PIK3C2G: variants seen among roughly 807,000 people sequenced by gnomAD.
PIK3C2G encodes phosphatidylinositol-4-phosphate 3-kinase catalytic subunit type 2 gamma, also known as phosphatidylinositol 3-kinase C2 domain-containing subunit gamma.
In PIK3C2G, 168 loss-of-function variants were observed where a neutral mutation model predicts 181.1. That is an observed-to-expected ratio of 0.93 (90% CI 0.82 to 1.05). The LOEUF is 1.05. Among genes scored for constraint, PIK3C2G ranks in the 50% least tolerant of loss-of-function variants. The pLI is 0.00. For synonymous variants in PIK3C2G, 573 were observed against 592.2 expected, an observed-to-expected ratio of 0.97 and a Z score of 0.47; for missense variants, 1,869 against 1,732.8, an observed-to-expected ratio of 1.08 and a Z score of -1.40.
At chr12:18,688,860 G>A in the PIK3C2G span, among the ~76,000 whole-genome samples, 2 of 151,994 alleles carry the variant, frequency 1.3e-5, no homozygotes, top group Non-Finnish European at 1.5e-5. Context: ...GAAGATATAA[G>A]CCTAAAAACG....
At chr12:18,363,019 T>C (rs934481287) in intron 12 of PIK3C2G, 133 bp downstream of exon 12, 9 of 622,974 alleles carry the variant, frequency 1.4e-5, no homozygotes, top group Non-Finnish European at 2.1e-5. Flanking sequence ...GTATGATAAG[T>C]ACACTAGGGC....
chr12:18,723,548 A>T, the PIK3C2G span: 3 of 1,604,710 alleles, frequency 1.9e-6, no homozygotes, highest in Non-Finnish European at 2.6e-6. Flanking sequence ...TTGTCCTACT[A>T]AAAAAATGAC....
chr12:18,661,804 A>C, the PIK3C2G span, among the ~76,000 whole-genome samples: 1 of 152,128 alleles, frequency 6.6e-6, no homozygotes, highest in Non-Finnish European at 1.5e-5. Context: ...ACCCAAAGGA[A>C]TATAAATTGT....
chr12:18,596,215 A>G (rs1365733401), intron 30 of PIK3C2G, among the ~76,000 whole-genome samples: 3 of 152,066 alleles, frequency 2.0e-5, no homozygotes, highest in Non-Finnish European at 4.4e-5. Flanking sequence ...AAATCGTGCT[A>G]TTCCTCCCAA....
At chr12:18,433,287 G>T (rs1197752252) in intron 18 of PIK3C2G, among the ~76,000 whole-genome samples, 1 of 152,054 alleles carries the variant, frequency 6.6e-6, no homozygotes, top group East Asian at 1.9e-4. Flanking sequence ...GGCCGAGGAG[G>T]GTAGGTCATG....
chr12:18,693,796 G>A, the PIK3C2G span: 204,295 of 1,503,290 alleles, frequency 0.14, 15,198 homozygotes, highest in Middle Eastern at 0.19. Flanking sequence ...TGGATCCAGC[G>A]CTTATCAGAC....
chr12:18,490,690 G>T (rs1366690734), intron 19 of PIK3C2G, among the ~76,000 whole-genome samples: 2 of 152,130 alleles, frequency 1.3e-5, no homozygotes, highest in Admixed American at 1.3e-4. Context: ...TTCCATCCAT[G>T]TTGTTGCAAA....
At chr12:18,262,130 G>C (rs1331288302) in intron 1 of PIK3C2G, among the ~76,000 whole-genome samples, 1 of 152,042 alleles carries the variant, frequency 6.6e-6, no homozygotes, top group Admixed American at 6.6e-5. Flanking sequence ...TCCTCCCTCT[G>C]TGCTGCGGTC....
chr12:18,562,811 TCC>T lies in PIK3C2G; in HGVS notation c.3700_3701del (p.Pro1234SerfsTer10). On this transcript the variant is annotated frameshift_variant, in exon 27 of 33. Transcript: ENST00000538779. LOFTEE classifies it high-confidence loss of function. ...SPAKSTSQTF[P>X]QESCLLSTTR... ...CTGCCAAATCTACTTCACAGACTTT[TCC>T]TCAGGAATCCTGTTTGCTGAGTACA... The T allele has an allele frequency of 6.2e-7, 1 of 1,607,676 alleles. No homozygotes were observed. The highest frequency in any genetic ancestry group is 1.7e-5 in the Admixed American group (1 of 59,246).
chr12:18,257,234 C>A (rs542628570), upstream of PIK3C2G, among the ~76,000 whole-genome samples: 1 of 152,194 alleles, frequency 6.6e-6, no homozygotes, highest in South Asian at 2.1e-4. Context: ...AGTTGAAACT[C>A]TATTGTGGAA....
chr12:18,370,441 T>C (rs749810973), intron 12 of PIK3C2G, among the ~76,000 whole-genome samples: 1 of 152,184 alleles, frequency 6.6e-6, no homozygotes, highest in African/African-American at 2.4e-5. Flanking sequence ...GTATATGTGT[T>C]ACATTTCAGT....
At chr12:18,471,741 T>G (rs1938482856) in intron 18 of PIK3C2G, among the ~76,000 whole-genome samples, 1 of 152,186 alleles carries the variant, frequency 6.6e-6, no homozygotes, top group Non-Finnish European at 1.5e-5. Context: ...TATTATTTGA[T>G]CCTTATAATG....
chr12:18,512,635 T>C (rs1287769380), intron 24 of PIK3C2G, among the ~76,000 whole-genome samples: 1 of 151,972 alleles, frequency 6.6e-6, no homozygotes, highest in Non-Finnish European at 1.5e-5. Context: ...CTGATTTTTG[T>C]ATGTTTGTTT....
chr12:18,292,227 A>AAAAATATATATATAT, intron 4 of PIK3C2G, among the ~76,000 whole-genome samples: 4 of 48,736 alleles, frequency 8.2e-5, no homozygotes, highest in African/African-American at 3.3e-4. Context: ...AAAAAAAAAA[A>AAAAATATATATATAT]ATATATATAT....
chr12:18,456,951 A>C (rs985474654), intron 18 of PIK3C2G, among the ~76,000 whole-genome samples: 1 of 152,174 alleles, frequency 6.6e-6, no homozygotes. Context: ...TTTTATATAA[A>C]AGTTTTCCAT....
chr12:18,302,058 G>A (rs1950198450), intron 5 of PIK3C2G, among the ~76,000 whole-genome samples: 1 of 152,174 alleles, frequency 6.6e-6, no homozygotes, highest in Non-Finnish European at 1.5e-5. Context: ...CTAGGGACAA[G>A]GATACTGGGT....
intron 24 of PIK3C2G, among the ~76,000 whole-genome samples, chr12:18,532,430 T>G (rs992616924): frequency 1.3e-5 from 2 of 152,160 alleles, no homozygotes; most frequent in Non-Finnish European, 2.9e-5. Context: ...TCCTTTTTTT[T>G]CCTAAAAGTT....
At chr12:18,461,996 C>A (rs796401836) in intron 18 of PIK3C2G, among the ~76,000 whole-genome samples, 16 of 152,290 alleles carry the variant, frequency 1.1e-4, no homozygotes, top group African/African-American at 3.6e-4. Context: ...TCCCTCTGAC[C>A]CATCTGCCTC....
intron 22 of PIK3C2G, among the ~76,000 whole-genome samples, chr12:18,498,013 G>A (rs1479677571): frequency 1.3e-5 from 2 of 152,034 alleles, no homozygotes; most frequent in African/African-American, 4.8e-5. Context: ...GTGTCTTTAA[G>A]AGTGAGTTTC....
Sources: gnomAD v4.1 joint callset for allele counts (sites outside exome capture counted in the v4.1 genomes callset) on GRCh38, gnomAD v4.1.1 for gene constraint, MANE v1.5 for transcripts, NCBI Gene and HGNC (gene_info 2026-07-23, HGNC 2026-07-21) for gene names.